The following CSF3R variants were observed in gnomAD, a reference collection of about 807,000 sequenced individuals.
CSF3R encodes the protein colony stimulating factor 3 receptor, also known as granulocyte colony-stimulating factor receptor.
CSF3R carries 52 observed loss-of-function variants against 84.4 expected under a neutral mutation model. The observed-to-expected ratio is 0.62, with a 90% CI of 0.49 to 0.78. The LOEUF is 0.78. Ranked by LOEUF, CSF3R falls within the 30% of genes least tolerant of loss-of-function variation. CSF3R has a pLI of 0.00. For missense variants in CSF3R, 890 were observed against 1,055.7 expected (o/e 0.84, Z 2.17); for synonymous variants, 384 against 429.1 (o/e 0.89, Z 1.30).
At position 36,466,574 on chromosome 1, in the gene CSF3R, C is replaced by G; in HGVS notation, c.2294G>C (p.Gly765Ala). ...AGTGGAGTCACAGCGGAGATAGTGC[C>G]CTGGCCCTGGGCTTGTGGGGCTGCC... Reference protein sequence around the residue: ...LLGSPTSPGPGHYLRCDSTQP... With the variant: ...LLGSPTSPGPAHYLRCDSTQP... The change falls in exon 17 of 17, where the codon GGG (glycine) becomes GCG (alanine). Residue 765 changes from glycine to alanine, a missense_variant. Physicochemically the swap from Gly to Ala is moderately conservative, Grantham distance 60. Transcript: ENST00000373106. The surrounding 1 kb of genome is among the most constrained non-coding windows in gnomAD (Gnocchi z 4.6). The G allele has an allele frequency of 6.2e-7, 1 of 1,611,248 alleles. No homozygotes were observed. The highest frequency in any genetic ancestry group is 8.5e-7 in the Non-Finnish European group (1 of 1,178,122).
At chr1:36,473,924 G>A in intron 4 of CSF3R, 37 bp from the exon 5 acceptor site, 7 of 1,613,352 alleles carry the variant, frequency 4.3e-6, no homozygotes, top group Non-Finnish European at 5.1e-6. Context: ...GGCTTTGGGT[G>A]GGACCACTCA....
intron 10 of CSF3R, among the ~76,000 whole-genome samples, chr1:36,470,934 C>T (rs930408046): frequency 3.3e-5 from 5 of 152,172 alleles, no homozygotes; most frequent in African/African-American, 4.8e-5. Flanking sequence ...CCCATGGCAC[C>T]GCTCAGTAGG....
At position 36,468,362 on chromosome 1, in the gene CSF3R, A is replaced by C. The variant is rs1012331191; in HGVS notation, c.1577-141T>G. On this transcript the variant is annotated intron_variant, in intron 12 of 16. Transcript: ENST00000373106. ...CTCATGCCCAAGCCTCATTTTTCCCAGGGATTTAATCCAGATTCCATCTAC... is the reference window on the plus strand; with the variant it reads ...CTCATGCCCAAGCCTCATTTTTCCCCGGGATTTAATCCAGATTCCATCTAC... 1.4e-5 allele frequency: 12 copies of C among 865,148 alleles called. No homozygotes were observed. In the African/African-American group the frequency reaches 2.0e-4, roughly 15 times the overall value. The allele number at this position is 865,148 out of a possible 1,614,324, so 53.6% of individuals were successfully genotyped here. A position where few individuals can be genotyped will look rare whatever the true frequency, so the allele number is the denominator to read the frequency against.
rs201666632 is a variant in CSF3R at position 36,472,278 on chromosome 1, G to A, written c.957C>T (p.Ser319=). The A allele has an allele frequency of 1.1e-5, 18 of 1,614,104 alleles. No homozygotes were observed. The highest frequency in any genetic ancestry group is 4.5e-5 in the East Asian group (2 of 44,860). ...CIRWPLPGHW[S]DWSPSLELRT... is the part of the protein sequence containing the mutation. ...TCAGCTCCAGGCTGGGGCTCCAGTC[G>A]CTCCAGTGGCCAGGCAGGGGCCAGC... Residue 319 remains serine (S), a synonymous_variant, in exon 8 of 17, where the codon AGC becomes AGT. Coordinates refer to ENST00000373106, the MANE Select transcript of CSF3R (RefSeq NM_000760.4). This position sits in a 1 kb window ranked among gnomAD's most constrained non-coding sequence, Gnocchi z 5.0.
rs911099378 is a variant in CSF3R, at chr1:36,474,390, CTTTTTTTTTTT to C, written c.362-514_362-504del. ...GTGTTAGCAGTGGCCATTACTGGTG[CTTTTTTTTTTT>C]TTTTTTTTTTTTTTGAGACAGAGTC... On this transcript the variant is annotated intron_variant, in intron 4 of 16. Transcript: ENST00000373106. Among the ~76,000 whole-genome samples the C allele has an allele frequency of 1.0e-4, 9 of 86,274 alleles. No homozygotes were observed. In the East Asian group the frequency reaches 1.6e-3, roughly 15 times the overall value. The allele number at this position is 86,274 out of a possible 152,430, so 56.6% of individuals were successfully genotyped here. A position where few individuals can be genotyped will look rare whatever the true frequency, so the allele number is the denominator to read the frequency against.
At chr1:36,474,748 G>A (rs1481671674) in intron 4 of CSF3R, among the ~76,000 whole-genome samples, 2 of 152,178 alleles carry the variant, frequency 1.3e-5, no homozygotes, top group Non-Finnish European at 2.9e-5. Context: ...GGTAGAGGAT[G>A]TTCTCCCTGG....
In CSF3R at chr1:36,467,725, G is replaced by T; in HGVS notation, c.1865-74C>A. ...CTGGGTCTCCTCCCTCCGACCAGGG[G>T]ATTCAAAGTCAGTCCCCAGCTACTC... On this transcript the variant is annotated intron_variant, in intron 14 of 16. Coordinates refer to ENST00000373106, the MANE Select transcript of CSF3R (RefSeq NM_000760.4). This position sits in a 1 kb window ranked among gnomAD's most constrained non-coding sequence, Gnocchi z 4.1. The T allele has an allele frequency of 1.2e-6, 2 of 1,611,692 alleles. No individual in the cohort carries two copies. Among genetic ancestry groups the T allele is most frequent in the Non-Finnish European group, 1.7e-6 (2 of 1,177,770 alleles).
intron 11 of CSF3R, among the ~76,000 whole-genome samples, 176 bp from the exon 12 acceptor site, chr1:36,469,433 G>A (rs1557589526): frequency 6.6e-6 from 1 of 152,196 alleles, no homozygotes; most frequent in Non-Finnish European, 1.5e-5. Flanking sequence ...GGAAGAGAGA[G>A]CTAGAAGGGT....
chr1:36,471,741 G>A, intron 9 of CSF3R, 95 bp from the exon 10 acceptor site: 1 of 1,266,866 alleles, frequency 7.9e-7, no homozygotes, highest in Non-Finnish European at 1.1e-6. Flanking sequence ...TACAAACGGA[G>A]CCTCCCCAGG....
chr1:36,475,256 C>T, intron 4 of CSF3R, 121 bp downstream of exon 4: 6 of 1,254,378 alleles, frequency 4.8e-6, no homozygotes, highest in Non-Finnish European at 4.7e-6. Context: ...ATCCGCCTGC[C>T]TCGGCCTCCC....
chr1:36,468,397 G>T, intron 12 of CSF3R, 176 bp from the exon 13 acceptor site: 1 of 609,156 alleles, frequency 1.6e-6, no homozygotes, highest in Non-Finnish European at 2.7e-6. Flanking sequence ...CTGCTAATAA[G>T]TGTCTGAGCC....
At chr1:36,482,333 C>G (rs1020344586) in intron 1 of CSF3R, among the ~76,000 whole-genome samples, 2 of 151,208 alleles carry the variant, frequency 1.3e-5, no homozygotes, top group Admixed American at 6.6e-5. Flanking sequence ...AGGCCTGGAG[C>G]CCGGGAAGCG....
Position 36,467,495 on chromosome 1 carries a change from T to C in CSF3R, c.1958+63A>G, listed in dbSNP as rs3918000. 150,878 of 1,539,070 alleles carry C rather than the reference T, an allele frequency of 0.098. 9,906 individuals are homozygous for C. Among genetic ancestry groups the C allele is most frequent in the African/African-American group, 0.33 (24,504 of 73,256 alleles). ...GCTGGAAGGGACTTAGATGGGCCCA[T>C]CTGGACCTGAGGTTCCCTGTGGGTG... On this transcript the variant is annotated intron_variant, in intron 15 of 16. Transcript: ENST00000373106. This position sits in a 1 kb window ranked among gnomAD's most constrained non-coding sequence, Gnocchi z 4.1.
At chr1:36,471,675 G>C (rs749246615) in intron 9 of CSF3R, 29 bp from the exon 10 acceptor site, 2 of 1,608,704 alleles carry the variant, frequency 1.2e-6, no homozygotes, top group East Asian at 4.5e-5. Flanking sequence ...AAAAGAGAAG[G>C]GGATGTGCAG....
Position 36,467,111 on chromosome 1 carries a change from G to T in CSF3R, c.2040+119C>A. On this transcript the variant is annotated intron_variant, in intron 16 of 16. Coordinates refer to ENST00000373106, the MANE Select transcript of CSF3R (RefSeq NM_000760.4). This position sits in a 1 kb window ranked among gnomAD's most constrained non-coding sequence, Gnocchi z 4.1. The stretch of plus-strand genomic sequence containing the variant: ...AAAGTTGGGTCTGCTTCAGTCCAAA[G>T]GGACGAGATGTTGCCGGAAGTGACA... The T allele has an allele frequency of 1.5e-6, 2 of 1,312,462 alleles. No individual in the cohort carries two copies. The highest frequency in any genetic ancestry group is 1.2e-5 in the South Asian group (1 of 82,580). 81.3% of individuals were successfully genotyped at this position (1,312,462 alleles called of 1,614,324 possible).
Position 36,472,113 on chromosome 1 carries a change from A to AC in CSF3R, c.1023dup (p.Trp342ValfsTer71). On this transcript the variant is annotated frameshift_variant, in exon 9 of 17. Transcript: ENST00000373106. LOFTEE classifies it high-confidence loss of function. The surrounding 1 kb of genome is among the most constrained non-coding windows in gnomAD (Gnocchi z 5.0). ...CTGGGGTCCAGCTGCCTCTGCCGCC[A>AC]CCATGTGTCCAGTCTGACAGTGGGG... is the stretch of plus-strand genomic sequence containing the variant. 6.2e-7 allele frequency: 1 copy of AC among 1,613,820 alleles called. No individual in the cohort carries two copies. Among genetic ancestry groups the AC allele is most frequent in the Non-Finnish European group, 8.5e-7 (1 of 1,180,002 alleles).
At chr1:36,474,390 CT>C (rs911099378) in intron 4 of CSF3R, among the ~76,000 whole-genome samples, 938 of 86,270 alleles carry the variant, frequency 0.011, 2 homozygotes, top group African/African-American at 0.034. Flanking sequence ...ATTACTGGTG[CT>C]TTTTTTTTTT....
intron 3 of CSF3R, among the ~76,000 whole-genome samples, chr1:36,478,574 G>A (rs889587789): frequency 2.6e-5 from 4 of 151,704 alleles, no homozygotes; most frequent in Non-Finnish European, 5.9e-5. Context: ...TAGGCAGGGC[G>A]TGGCGGGTCA....
rs1241213600 is a variant in CSF3R at position 36,479,287 on chromosome 1, C to A, written c.64+146G>T. The A allele has an allele frequency of 8.4e-6, 7 of 830,012 alleles. No individual in the cohort carries two copies. The East Asian group carries it at 1.9e-4, about 22-fold the overall frequency. 51.4% of individuals were successfully genotyped at this position (830,012 alleles called of 1,614,324 possible). ...CTGTGGAAGTCTGTGGGTGGGAGACCAGCTACCCCACATCTGTGGCTCAGA... is the reference window on the plus strand; with the variant it reads ...CTGTGGAAGTCTGTGGGTGGGAGACAAGCTACCCCACATCTGTGGCTCAGA... On this transcript the variant is annotated intron_variant, in intron 3 of 16. Transcript: ENST00000373106.
Sources: gnomAD v4.1 joint callset for allele counts (sites outside exome capture counted in the v4.1 genomes callset) on GRCh38, gnomAD v4.1.1 for gene constraint, Gnocchi (gnomAD v3.1) non-coding constraint, MANE v1.5 for transcripts, NCBI Gene and HGNC (gene_info 2026-07-23, HGNC 2026-07-21) for gene names.